The following MRE11 variants were observed in gnomAD, a reference collection of about 807,000 sequenced individuals.
MRE11 encodes the protein double-strand break repair protein MRE11.
A neutral mutation model predicts 91.7 loss-of-function variants in MRE11; 62 were observed. That is an observed-to-expected ratio of 0.68 (90% CI 0.55 to 0.84). The LOEUF is 0.84. MRE11 is among the 40% of genes least tolerant of loss of function. MRE11 has a pLI of 0.00. For synonymous variants in MRE11, 273 were observed against 271.4 expected (o/e 1.01, Z -0.06); for missense variants, 796 against 852.9 (o/e 0.93, Z 0.83).
intron 3 of MRE11, among the ~76,000 whole-genome samples, chr11:94,490,008 G>T (rs1947245758): frequency 6.6e-6 from 1 of 152,054 alleles, no homozygotes; most frequent in African/African-American, 2.4e-5. Context: ...TCTTTTTGCA[G>T]TATCCCTTGC....
At position 94,419,732 on chromosome 11, in the gene MRE11, G is replaced by C. The variant is rs184233235; in HGVS notation, c.*393C>G. ...AAACAGTGAATTTAGACATAGGTTCGCATAAATTGTTTTACTTTCAGAAAA... is the reference window on the plus strand; with the variant it reads ...AAACAGTGAATTTAGACATAGGTTCCCATAAATTGTTTTACTTTCAGAAAA... On this transcript the variant is annotated 3_prime_UTR_variant, in exon 20 of 20. Coordinates refer to ENST00000323929, the MANE Select transcript of MRE11 (RefSeq NM_005591.4). The C allele has an allele frequency of 4.1e-6, 1 of 242,768 alleles. No individual in the cohort carries two copies. The highest frequency in any genetic ancestry group is 2.2e-5 in the African/African-American group (1 of 45,392). The allele number at this position is 242,768 out of a possible 1,614,324, so 15.0% of individuals were successfully genotyped here.
chr11:94,442,461 C>A (rs1017857097), intron 16 of MRE11, among the ~76,000 whole-genome samples: 1 of 151,780 alleles, frequency 6.6e-6, no homozygotes, highest in African/African-American at 2.4e-5. Context: ...CTGGATTCCA[C>A]AGGACACAAA....
intron 9 of MRE11, among the ~76,000 whole-genome samples, chr11:94,468,372 C>T (rs1946625444): frequency 6.6e-6 from 1 of 152,156 alleles, no homozygotes; most frequent in African/African-American, 2.4e-5. Flanking sequence ...AAGATTATAA[C>T]ATCTTAGACT....
intron 14 of MRE11, among the ~76,000 whole-genome samples, chr11:94,454,230 T>C (rs1300595567): frequency 6.6e-6 from 1 of 151,918 alleles, no homozygotes; most frequent in African/African-American, 2.4e-5. Flanking sequence ...GGAGCTACCA[T>C]GCCTGGCTAA....
At chr11:94,477,377 A>T (rs1417419572) in intron 6 of MRE11, among the ~76,000 whole-genome samples, 1 of 152,226 alleles carries the variant, frequency 6.6e-6, no homozygotes, top group Admixed American at 6.5e-5. Context: ...AGTGAAAGAA[A>T]CTAACAAAAA....
At chr11:94,473,496 G>A (rs940537648) in intron 7 of MRE11, 1 of 152,064 alleles carries the variant, frequency 6.6e-6, no homozygotes. Context: ...TTGATGTAGA[G>A]AAACAAATGG....
At chr11:94,452,772 C>T (rs606905) in intron 14 of MRE11, among the ~76,000 whole-genome samples, 66 of 152,276 alleles carry the variant, frequency 4.3e-4, no homozygotes, top group Non-Finnish European at 8.1e-4. Context: ...TTTCCATATA[C>T]ATTTTGTGAG....
At chr11:94,439,547 C>T (rs1945718190) in intron 16 of MRE11, among the ~76,000 whole-genome samples, 1 of 152,270 alleles carries the variant, frequency 6.6e-6, no homozygotes, top group South Asian at 2.1e-4. Flanking sequence ...GTGATCAGTA[C>T]TGTAAATACT....
chr11:94,496,445 G>A (rs1947419426), upstream of MRE11, among the ~76,000 whole-genome samples: 1 of 152,132 alleles, frequency 6.6e-6, no homozygotes, highest in African/African-American at 2.4e-5. Flanking sequence ...ATAGTTTGTT[G>A]TTTTCTGTCA....
At chr11:94,426,326 A>G (rs933505139) in intron 19 of MRE11, among the ~76,000 whole-genome samples, 1 of 152,132 alleles carries the variant, frequency 6.6e-6, no homozygotes, top group Non-Finnish European at 1.5e-5. Context: ...TAATGAAAAT[A>G]AAAATAGAAT....
In MRE11 at chr11:94,456,313, T is replaced by G. The variant is rs1591667851; in HGVS notation, c.1526A>C (p.Gln509Pro). The change falls in exon 14 of 20, where the codon CAA becomes CCA. Residue 509 changes from glutamine (Q) to proline (P), a missense_variant. Coordinates refer to ENST00000323929, the MANE Select transcript of MRE11 (RefSeq NM_005591.4). ...EEVRRFRETR[Q>P]KNTNEEDDEV... Reference sequence around the variant, plus strand: ...ATCATCTTCTTCATTAGTATTTTTTTGTCTGGTTTCTCTGAAACGACGTAC... The same window carrying G: ...ATCATCTTCTTCATTAGTATTTTTTGGTCTGGTTTCTCTGAAACGACGTAC... 1 of 1,613,726 alleles carries G rather than the reference T, an allele frequency of 6.2e-7. No individual in the cohort carries two copies. The highest frequency in any genetic ancestry group is 1.3e-5 in the African/African-American group (1 of 75,036).
chr11:94,444,280 T>G (rs1420014164), intron 16 of MRE11, among the ~76,000 whole-genome samples: 2 of 152,212 alleles, frequency 1.3e-5, no homozygotes, highest in Non-Finnish European at 2.9e-5. Context: ...TGAAATATAA[T>G]TCCAAAGAGG....
At chr11:94,485,895 C>T (rs2135121745) in intron 4 of MRE11, 29 bp downstream of exon 4, 1 of 1,602,190 alleles carries the variant, frequency 6.2e-7, no homozygotes, top group East Asian at 2.2e-5. Flanking sequence ...CACAAGTAAT[C>T]ACTCACTCAA....
the MRE11 span, among the ~76,000 whole-genome samples, chr11:94,510,552 G>C: frequency 6.6e-6 from 1 of 152,188 alleles, no homozygotes; most frequent in Non-Finnish European, 1.5e-5. Flanking sequence ...AAATCTAGGT[G>C]TTTTTGCTTT....
chr11:94,461,110 C>A, intron 11 of MRE11, 74 bp from the exon 12 acceptor site: 2 of 1,321,258 alleles, frequency 1.5e-6, no homozygotes, highest in Non-Finnish European at 2.1e-6. Flanking sequence ...TGCAAGTTGT[C>A]AGTGGAGAAG....
chr11:94,431,409 T>C (rs1945459540), intron 18 of MRE11, among the ~76,000 whole-genome samples: 1 of 152,222 alleles, frequency 6.6e-6, no homozygotes, highest in Admixed American at 6.5e-5. Context: ...CAGTCTAAAT[T>C]ATCATTTAGA....
chr11:94,417,654 T>C lies in MRE11; in HGVS notation c.*2471A>G, dbSNP rs1309392813. 2 of 232,952 alleles carry C rather than the reference T, an allele frequency of 8.6e-6. No individual in the cohort carries two copies. The highest frequency in any genetic ancestry group is 5.6e-5 in the Admixed American group (1 of 17,784). 14.4% of individuals were successfully genotyped at this position (232,952 alleles called of 1,614,324 possible). ...ACCCAGAAAGGAGAAAACAATATAA[T>C]GGGCATCCAGGACACTGCGCTATTT... On this transcript the variant is annotated 3_prime_UTR_variant, in exon 20 of 20. Transcript: ENST00000323929.
At chr11:94,496,539 TATC>T (rs1230193292), upstream of MRE11, 2 of 667,544 alleles carry the variant, frequency 3.0e-6, no homozygotes, top group Admixed American at 6.4e-5. Flanking sequence ...TTGCAAGACT[TATC>T]TATGCAGTTG....
chr11:94,486,357 G>C (rs147214247), intron 3 of MRE11, among the ~76,000 whole-genome samples: 5 of 152,204 alleles, frequency 3.3e-5, no homozygotes, highest in Admixed American at 2.0e-4. Flanking sequence ...TCTATTATTT[G>C]AATCAAACAT....
Sources: gnomAD v4.1 joint callset for allele counts (sites outside exome capture counted in the v4.1 genomes callset) on GRCh38, gnomAD v4.1.1 for gene constraint, MANE v1.5 for transcripts, NCBI Gene and HGNC (gene_info 2026-07-23, HGNC 2026-07-21) for gene names.